The following UGT1A8 variants were observed in gnomAD, a reference collection of about 807,000 sequenced individuals.
The protein encoded by UGT1A8 is UDP-glucuronosyltransferase 1A8.
UGT1A8 carries 39 observed loss-of-function variants against 45.3 expected under a neutral mutation model. The observed-to-expected ratio is 0.86, with a 90% confidence interval of 0.67 to 1.12. UGT1A8 has a LOEUF of 1.12. Ranked by LOEUF, UGT1A8 falls within the 50% of genes most tolerant of loss-of-function variation. UGT1A8 has a pLI of 0.00. For missense variants in UGT1A8, 719 were observed against 664.9 expected (o/e 1.08, Z -0.90); for synonymous variants, 275 against 249.2 (o/e 1.10, Z -0.97).
chr2:233,739,861 AT>A (rs1559383666), intron 1 of UGT1A8, among the ~76,000 whole-genome samples: 1 of 151,974 alleles, frequency 6.6e-6, no homozygotes, highest in African/African-American at 2.4e-5. Context: ...AGAGGGCAGA[AT>A]GATATGATTT....
intron 1 of UGT1A8, chr2:233,672,171 T>G: frequency 1.9e-6 from 3 of 1,614,152 alleles, no homozygotes; most frequent in Non-Finnish European, 1.7e-6. Flanking sequence ...CTTATTCAAC[T>G]TCATATACCC....
intron 1 of UGT1A8, among the ~76,000 whole-genome samples, chr2:233,670,989 G>C (rs532242717): frequency 6.6e-6 from 1 of 152,224 alleles, no homozygotes; most frequent in South Asian, 2.1e-4. Context: ...CTTATGGATG[G>C]GGGCAGTCCT....
chr2:233,748,442 C>T (rs1311049302), intron 1 of UGT1A8, among the ~76,000 whole-genome samples: 3 of 151,720 alleles, frequency 2.0e-5, no homozygotes, highest in Non-Finnish European at 2.9e-5. Flanking sequence ...TTTGTTTGCA[C>T]AATTTTCAGG....
intron 1 of UGT1A8, chr2:233,719,233 T>C: frequency 1.2e-6 from 2 of 1,614,226 alleles, no homozygotes; most frequent in Non-Finnish European, 1.7e-6. Context: ...GAGGCCCTGA[T>C]CAGGCACCTG....
chr2:233,719,099 G>T, intron 1 of UGT1A8: 3 of 1,614,244 alleles, frequency 1.9e-6, no homozygotes, highest in Non-Finnish European at 2.5e-6. Flanking sequence ...ATCGCGTTAC[G>T]CTGGGCTACA....
intron 1 of UGT1A8, among the ~76,000 whole-genome samples, chr2:233,685,862 T>C (rs1362783391): frequency 6.6e-6 from 1 of 152,228 alleles, no homozygotes; most frequent in Non-Finnish European, 1.5e-5. Context: ...ATAGACACAA[T>C]ACCTAAGACA....
intron 1 of UGT1A8, chr2:233,753,299 C>G (rs1319108778): frequency 6.6e-6 from 1 of 152,180 alleles, no homozygotes; most frequent in Non-Finnish European, 1.5e-5. Flanking sequence ...AGTGTGAGAC[C>G]CCGTGTGCCC....
intron 1 of UGT1A8, among the ~76,000 whole-genome samples, chr2:233,701,175 A>G (rs1487804881): frequency 6.6e-6 from 1 of 152,182 alleles, no homozygotes; most frequent in Non-Finnish European, 1.5e-5. Flanking sequence ...TGCCGTTATA[A>G]ACATACATGT....
At position 233,665,818 on chromosome 2, in the gene UGT1A8, G is replaced by A. The variant is rs539795741; in HGVS notation, c.855+47256G>A. Among the ~76,000 whole-genome samples the A allele has an allele frequency of 5.3e-4, 80 of 152,280 alleles. 2 individuals carry two copies. Among genetic ancestry groups the A allele is most frequent in the South Asian group, 6.2e-4 (3 of 4,816 alleles). ...AAATACCCAACAGTGGAGTAGTTGT[G>A]ATCTATGGTAGGTGTATGGTTACCT... is the stretch of plus-strand genomic sequence containing the variant. On this transcript the variant is annotated intron_variant, in intron 1 of 4. Coordinates refer to ENST00000373450, the MANE Select transcript of UGT1A8 (RefSeq NM_019076.5).
chr2:233,729,311 C>T (rs367893745), intron 1 of UGT1A8: 1 of 1,614,250 alleles, frequency 6.2e-7, no homozygotes, highest in South Asian at 1.1e-5. Flanking sequence ...GTGGTCCTCA[C>T]CCCAGAGGTG....
In UGT1A8 at chr2:233,648,819, G is replaced by A. The variant is rs1425224889; in HGVS notation, c.855+30257G>A. 19 of 1,018,388 alleles carry A rather than the reference G, an allele frequency of 1.9e-5. No individual in the cohort carries two copies. The East Asian group carries it at 6.6e-4, about 36-fold the overall frequency. The allele number at this position is 1,018,388 out of a possible 1,614,324, so 63.1% of individuals were successfully genotyped here. On this transcript the variant is annotated intron_variant, in intron 1 of 4. Coordinates refer to ENST00000373450, the MANE Select transcript of UGT1A8 (RefSeq NM_019076.5). ...GGAACCACATCTTCTACTTAGAGGA[G>A]CATTTATTTTGCCCATATTTTTTCA...
intron 1 of UGT1A8, among the ~76,000 whole-genome samples, chr2:233,646,010 T>C (rs1559322896): frequency 6.6e-6 from 1 of 152,234 alleles, no homozygotes; most frequent in Non-Finnish European, 1.5e-5. Context: ...CATCCAGGCA[T>C]ATCCATACAG....
At chr2:233,652,945 C>T (rs1188232873) in intron 1 of UGT1A8, among the ~76,000 whole-genome samples, 1 of 152,068 alleles carries the variant, frequency 6.6e-6, no homozygotes, top group Non-Finnish European at 1.5e-5. Flanking sequence ...GTATGAGAAA[C>T]AACAACAACA....
intron 1 of UGT1A8, among the ~76,000 whole-genome samples, chr2:233,641,656 T>C (rs1404866240): frequency 6.6e-6 from 1 of 152,196 alleles, no homozygotes; most frequent in Non-Finnish European, 1.5e-5. Context: ...TTCTTTCTGA[T>C]TGAAGTACTC....
At chr2:233,753,147 TA>T (rs1254691339) in intron 1 of UGT1A8, 35 of 152,236 alleles carry the variant, frequency 2.3e-4, no homozygotes, top group African/African-American at 7.5e-4. Context: ...TTCACACATG[TA>T]AGTTCCCTTA....
intron 1 of UGT1A8, among the ~76,000 whole-genome samples, chr2:233,712,441 G>A (rs991807443): frequency 3.3e-5 from 5 of 152,138 alleles, no homozygotes; most frequent in African/African-American, 9.7e-5. Context: ...TGTGAAAAAC[G>A]ACCAAAACCA....
chr2:233,718,825 C>T (rs771343471), intron 1 of UGT1A8: 9 of 1,613,344 alleles, frequency 5.6e-6, no homozygotes, highest in African/African-American at 5.3e-5. Context: ...GCTGAGATGG[C>T]CAGAGGACTC....
chr2:233,718,420 C>A (rs1464561381), intron 1 of UGT1A8, among the ~76,000 whole-genome samples: 1 of 152,172 alleles, frequency 6.6e-6, no homozygotes, highest in Non-Finnish European at 1.5e-5. Flanking sequence ...CAGCAGAGAA[C>A]ATGTGGTTGG....
chr2:233,648,776 C>G, intron 1 of UGT1A8: 1 of 830,610 alleles, frequency 1.2e-6, no homozygotes, highest in Non-Finnish European at 1.9e-6. Context: ...GATGCCATGA[C>G]TTTTAAGGAG....
Sources: gnomAD v4.1 joint callset for allele counts (sites outside exome capture counted in the v4.1 genomes callset) on GRCh38, gnomAD v4.1.1 for gene constraint, MANE v1.5 for transcripts, NCBI Gene and HGNC (gene_info 2026-07-23, HGNC 2026-07-21) for gene names.